DAB1: variants seen among roughly 807,000 people sequenced by gnomAD.
The protein encoded by DAB1 is DAB adaptor protein 1.
In DAB1, 15 loss-of-function variants were observed where a neutral mutation model predicts 64.6. That is an observed-to-expected ratio of 0.23 (90% CI 0.16 to 0.36). DAB1 has a LOEUF of 0.36. Ranked by LOEUF, DAB1 falls within the 10% of genes least tolerant of loss-of-function variation. The probability of loss-of-function intolerance (pLI) is 1.00; values close to 1 mark genes in which losing one functional copy is unlikely to be tolerated. For synonymous variants in DAB1, 235 were observed against 251.9 expected (o/e 0.93, Z 0.64); for missense variants, 596 against 706.7 (o/e 0.84, Z 1.78).
intron 4 of DAB1, among the ~76,000 whole-genome samples, chr1:58,296,462 G>C (rs1318507017): frequency 6.6e-6 from 1 of 152,180 alleles, no homozygotes; most frequent in Admixed American, 6.5e-5. Flanking sequence ...TGGGGCAGGA[G>C]AGAGTATCAA....
intron 1 of DAB1, among the ~76,000 whole-genome samples, chr1:57,343,474 G>A (rs1163999039): frequency 1.3e-5 from 2 of 152,206 alleles, no homozygotes; most frequent in East Asian, 3.9e-4. Context: ...TTGGGTGGTC[G>A]ATGGGACTAG....
chr1:57,924,717 C>T (rs1412556780), intron 5 of DAB1, among the ~76,000 whole-genome samples: 1 of 151,040 alleles, frequency 6.6e-6, no homozygotes, highest in Non-Finnish European at 1.5e-5. Context: ...GATCCTCTGG[C>T]CTCAGTCTCC....
At chr1:58,395,288 G>A (rs759007918) in intron 3 of DAB1, among the ~76,000 whole-genome samples, 41 of 152,032 alleles carry the variant, frequency 2.7e-4, no homozygotes, top group Non-Finnish European at 2.9e-5. Flanking sequence ...AATGTTTGAG[G>A]AACTTTGAGA....
At chr1:57,637,947 T>A (rs1646077243) in intron 7 of DAB1, among the ~76,000 whole-genome samples, 1 of 152,190 alleles carries the variant, frequency 6.6e-6, no homozygotes, top group South Asian at 2.1e-4. Context: ...GGAATATTAT[T>A]CAGTTGTTTA....
At position 58,168,465 on chromosome 1, in the gene DAB1, T is replaced by C. The variant is rs1655984022; in HGVS notation, n.310-17877A>G. 2.0e-5 allele frequency among the ~76,000 whole-genome samples: 3 copies of C among 152,160 alleles called. No individual in the cohort carries two copies. In the South Asian group the frequency reaches 6.2e-4, roughly 32 times the overall value. ...CAAACTTCCTCTCGTCTCTCTTCTC[T>C]GAGGCTAGTCCCACTTCTAAAAACC... On this transcript the variant is annotated intron_variant and non_coding_transcript_variant, in intron 4 of 20. Transcript: ENST00000485760.
intron 7 of DAB1, among the ~76,000 whole-genome samples, chr1:57,483,902 T>C (rs573092279): frequency 2.4e-4 from 37 of 152,286 alleles, no homozygotes; most frequent in African/African-American, 8.9e-4. Context: ...CCTGCCCTTA[T>C]GCAGCATACT....
intron 4 of DAB1, among the ~76,000 whole-genome samples, chr1:58,274,746 T>A (rs1050751477): frequency 6.6e-6 from 1 of 152,172 alleles, no homozygotes; most frequent in Non-Finnish European, 1.5e-5. Context: ...AGCGCAATAT[T>A]CGGGTGGGAG....
intron 10 of DAB1, among the ~76,000 whole-genome samples, chr1:57,024,122 AAC>A (rs1646708558): frequency 6.6e-6 from 1 of 152,180 alleles, no homozygotes; most frequent in Non-Finnish European, 1.5e-5. Context: ...TGACTAAATC[AAC>A]ACACAAAATT....
chr1:58,332,378 C>G (rs1662990437), intron 4 of DAB1, among the ~76,000 whole-genome samples: 1 of 152,074 alleles, frequency 6.6e-6, no homozygotes, highest in African/African-American at 2.4e-5. Context: ...AGCGTTTCGC[C>G]AAAGCTTTTC....
At chr1:57,706,057 T>G (rs916250140) in intron 6 of DAB1, among the ~76,000 whole-genome samples, 1 of 152,078 alleles carries the variant, frequency 6.6e-6, no homozygotes, top group African/African-American at 2.4e-5. Context: ...CTTTTTATTT[T>G]GAAATAGTTA....
intron 6 of DAB1, among the ~76,000 whole-genome samples, chr1:57,791,076 G>A (rs540079952): frequency 6.6e-6 from 1 of 152,292 alleles, no homozygotes; most frequent in South Asian, 2.1e-4. Context: ...GCTTCATTAT[G>A]TGTAGGATTC....
intron 2 of DAB1, among the ~76,000 whole-genome samples, chr1:57,184,453 C>G (rs1474512067): frequency 6.6e-6 from 1 of 152,152 alleles, no homozygotes; most frequent in African/African-American, 2.4e-5. Flanking sequence ...CCGTGCCAAC[C>G]CTGTCCTCTG....
At chr1:58,052,881 T>G (rs2100532043) in intron 5 of DAB1, among the ~76,000 whole-genome samples, 1 of 152,368 alleles carries the variant, frequency 6.6e-6, no homozygotes, top group South Asian at 2.1e-4. Flanking sequence ...CTTACAATTC[T>G]GCAGTCTGTA....
intron 7 of DAB1, among the ~76,000 whole-genome samples, chr1:57,557,511 CCTGA>C (rs1313704890): frequency 1.3e-5 from 2 of 151,150 alleles, no homozygotes; most frequent in African/African-American, 4.9e-5. Context: ...TCTAGAAAAC[CCTGA>C]CTAATACAAA....
At chr1:57,832,679 T>G (rs568897024) in intron 1 of DAB1, among the ~76,000 whole-genome samples, 87 of 152,330 alleles carry the variant, frequency 5.7e-4, no homozygotes, top group Non-Finnish European at 1.1e-3. Flanking sequence ...GTGCAGTCAA[T>G]GGAGAGGATT....
chr1:57,115,080 G>A (rs904749286), intron 4 of DAB1, among the ~76,000 whole-genome samples: 1 of 152,156 alleles, frequency 6.6e-6, no homozygotes, highest in Non-Finnish European at 1.5e-5. Flanking sequence ...CCATTCTGCA[G>A]CTCCACCTCC....
chr1:57,331,901 A>G (rs1303183729), intron 1 of DAB1, among the ~76,000 whole-genome samples: 1 of 152,196 alleles, frequency 6.6e-6, no homozygotes, highest in African/African-American at 2.4e-5. Context: ...TGGGTTCTTG[A>G]TGACTTTCTT....
chr1:58,530,396 A>G (rs1646416263), intron 1 of DAB1, among the ~76,000 whole-genome samples: 1 of 152,206 alleles, frequency 6.6e-6, no homozygotes, highest in African/African-American at 2.4e-5. Flanking sequence ...CTCCATACCC[A>G]TCATTTGAGA....
intron 2 of DAB1, among the ~76,000 whole-genome samples, chr1:57,288,857 C>T: frequency 6.6e-6 from 1 of 152,190 alleles, no homozygotes; most frequent in East Asian, 1.9e-4. Flanking sequence ...GCATTTAATA[C>T]ATGCCAAGTA....
Sources: allele counts gnomAD v4.1 joint callset (sites outside exome capture counted in the v4.1 genomes callset), GRCh38; gene constraint gnomAD v4.1.1; transcripts MANE v1.5; gene names NCBI Gene and HGNC (gene_info 2026-07-23, HGNC 2026-07-21).